Variants in SYNJ1 observed in about 807,000 individuals in gnomAD.
SYNJ1 encodes the protein synaptojanin 1.
A neutral mutation model predicts 168.2 loss-of-function variants in SYNJ1; 78 were observed. The ratio of observed to expected loss-of-function variants is 0.46; its 90% CI spans 0.39 to 0.56. The LOEUF is 0.56. SYNJ1 is among the 20% of genes least tolerant of loss of function. The pLI is 0.00. For missense variants in SYNJ1, 1,303 were observed against 1,597.6 expected (o/e 0.82, Z 3.14); for synonymous variants, 539 against 548.6 (o/e 0.98, Z 0.24).
At chr21:32,671,688 A>T (rs1006779937) in intron 14 of SYNJ1, among the ~76,000 whole-genome samples, 1 of 152,246 alleles carries the variant, frequency 6.6e-6, no homozygotes, top group Admixed American at 6.5e-5. Flanking sequence ...CATGTAAGGT[A>T]CATAGAATTA....
Position 32,631,455 on chromosome 21 carries a change from G to T in SYNJ1, c.*350C>A. Reference sequence around the variant, plus strand: ...CCATGAAGTTGCCTCTGATTCTTCAGACTTGGCTCTAAATGGGTTTCCAGG... The same window carrying T: ...CCATGAAGTTGCCTCTGATTCTTCATACTTGGCTCTAAATGGGTTTCCAGG... On this transcript the variant is annotated 3_prime_UTR_variant, in exon 33 of 33. Coordinates refer to ENST00000674351, the MANE Select transcript of SYNJ1 (RefSeq NM_203446.3). The T allele has an allele frequency of 1.9e-6, 3 of 1,614,158 alleles. No individual in the cohort carries two copies. The highest frequency in any genetic ancestry group is 2.2e-5 in the South Asian group (2 of 91,068).
At chr21:32,694,420 TCTAA>T (rs1569103900) in intron 5 of SYNJ1, 109 bp from the exon 6 acceptor site, 4 of 796,506 alleles carry the variant, frequency 5.0e-6, no homozygotes, top group East Asian at 6.7e-5. Flanking sequence ...CATTTTATGA[TCTAA>T]CTCTCATATA....
At chr21:32,667,771 T>C (rs558076528) in intron 15 of SYNJ1, among the ~76,000 whole-genome samples, 2 of 152,290 alleles carry the variant, frequency 1.3e-5, no homozygotes, top group Non-Finnish European at 2.9e-5. Flanking sequence ...AACACTTCCC[T>C]GTGTCCCTAT....
At chr21:32,643,744 A>C (rs902036885) in intron 26 of SYNJ1, among the ~76,000 whole-genome samples, 3 of 152,168 alleles carry the variant, frequency 2.0e-5, no homozygotes, top group Non-Finnish European at 2.9e-5. Flanking sequence ...TTTAATGAAG[A>C]CCTTTGCTTT....
At position 32,695,106 on chromosome 21, in the gene SYNJ1, C is replaced by T. The variant is rs398122403; in HGVS notation, c.656G>A (p.Arg219Gln). The T allele has an allele frequency of 1.1e-5, 17 of 1,614,092 alleles. No individual in the cohort carries two copies. Among genetic ancestry groups the T allele is most frequent in the Middle Eastern group, 1.6e-4 (1 of 6,062 alleles). ...CERAGTRFNVRGTNDDGHVAN... is the reference protein window; with the variant it reads ...CERAGTRFNVQGTNDDGHVAN... ...AACATGACCATCATCATTTGTTCCC[C>T]GGACATTAAACCTGGTCCCAGCTCG... Residue 219 changes from arginine to glutamine, a missense_variant, in exon 5 of 33, where the codon CGG (arginine) becomes CAG (glutamine). By Grantham distance (43) the Arg-to-Gln change is conservative. Around this residue, in one of 2 missense-constraint regions of SYNJ1, gnomAD observed 920 missense variants for 1,208.8 expected, o/e 0.76. Coordinates refer to ENST00000674351, the MANE Select transcript of SYNJ1 (RefSeq NM_203446.3).
Position 32,650,206 on chromosome 21 carries a change from A to G in SYNJ1, c.3015T>C (p.Val1005=), listed in dbSNP as rs2145809068. The G allele has an allele frequency of 6.2e-7, 1 of 1,606,916 alleles. No homozygotes were observed. Among genetic ancestry groups the G allele is most frequent in the Admixed American group, 1.7e-5 (1 of 57,916 alleles). ...SSTLLGEDAE[V]AADFDMEGDV... ...AACCTTCCATATCAAAATCTGCTGC[A>G]ACCTCTGCATCTTCACCAAGCAGGG... is the stretch of plus-strand genomic sequence containing the variant. The change falls in exon 23 of 33, where the codon GTT becomes GTC. Residue 1005 remains valine (V), a synonymous_variant. Transcript: ENST00000674351.
intron 13 of SYNJ1, among the ~76,000 whole-genome samples, chr21:32,675,275 T>C (rs2041359445): frequency 6.6e-6 from 1 of 152,172 alleles, no homozygotes; most frequent in Admixed American, 6.5e-5. Context: ...ACTGCCTCAC[T>C]GTATGAACTA....
intron 10 of SYNJ1, among the ~76,000 whole-genome samples, chr21:32,682,329 AT>A (rs1049073752): frequency 6.6e-6 from 1 of 152,208 alleles, no homozygotes; most frequent in African/African-American, 2.4e-5. Flanking sequence ...GACAGAGTCA[AT>A]GTTCGATCTT....
At position 32,702,010 on chromosome 21, in the gene SYNJ1, G is replaced by C. The variant is rs745320827; in HGVS notation, c.162C>G (p.Ser54=). The part of the protein sequence containing the change: ...AEKEAIKGTY[S]KVLDAYGLLG... The stretch of plus-strand genomic sequence containing the variant: ...AGAGTCCATATGCATCCAGTACTTT[G>C]GAGTATGTACCCTTGATTGCCTCTT... Residue 54 remains serine, a synonymous_variant, in exon 3 of 33, where the codon TCC becomes TCG. Coordinates refer to ENST00000674351, the MANE Select transcript of SYNJ1 (RefSeq NM_203446.3). The C allele has an allele frequency of 1.3e-6, 2 of 1,576,090 alleles. No homozygotes were observed. The highest frequency in any genetic ancestry group is 8.7e-7 in the Non-Finnish European group (1 of 1,155,106).
Position 32,656,842 on chromosome 21 carries a change from G to C in SYNJ1, c.2640C>G (p.Asn880Lys). 1 of 1,614,134 alleles carries C rather than the reference G, an allele frequency of 6.2e-7. No individual in the cohort carries two copies. The highest frequency in any genetic ancestry group is 8.5e-7 in the Non-Finnish European group (1 of 1,180,028). Residue 880 changes from asparagine (N) to lysine (K), a missense_variant, in exon 21 of 33, where the codon AAC becomes AAG. Physicochemically the swap from Asn to Lys is moderately conservative, Grantham distance 94. Around this residue, in one of 2 missense-constraint regions of SYNJ1, gnomAD observed 920 missense variants for 1,208.8 expected, o/e 0.76. Coordinates refer to ENST00000674351, the MANE Select transcript of SYNJ1 (RefSeq NM_203446.3). ...GAACTGCAATTACTTCTTTATAAAT[G>C]TTTTGCCTCTCTTCAGCTTCAACTT... is the stretch of plus-strand genomic sequence containing the variant. ...IFEVEAEERQ[N>K]IYKEVIAVQG...
chr21:32,709,821 A>T (rs1569124265), intron 2 of SYNJ1, among the ~76,000 whole-genome samples: 1 of 152,060 alleles, frequency 6.6e-6, no homozygotes, highest in Non-Finnish European at 1.5e-5. Flanking sequence ...TCCAGCCAAA[A>T]ACACTGCCTA....
At position 32,646,590 on chromosome 21, in the gene SYNJ1, T is replaced by G. The variant is rs1465815951; in HGVS notation, c.3050A>C (p.Asp1017Ala). The change falls in exon 24 of 33, where the codon GAC (aspartate) becomes GCC (alanine). Residue 1017 changes from aspartate to alanine, a missense_variant. Asp to Ala is a moderately radical substitution (Grantham distance 126, BLOSUM62 -2). Around this residue, in one of 2 missense-constraint regions of SYNJ1, gnomAD observed 383 missense variants for 388.8 expected, o/e 0.99. Transcript: ENST00000674351. ...AAGTTCCTCCACTTCAGCACTATAGTCATCAACATCACCTAAGGAAAAGCA... is the reference window on the plus strand; with the variant it reads ...AAGTTCCTCCACTTCAGCACTATAGGCATCAACATCACCTAAGGAAAAGCA... ...ADFDMEGDVD[D>A]YSAEVEELLP... 2 of 1,613,818 alleles carry G rather than the reference T, an allele frequency of 1.2e-6. No individual in the cohort carries two copies. Among genetic ancestry groups the G allele is most frequent in the Non-Finnish European group, 1.7e-6 (2 of 1,179,750 alleles).
In SYNJ1 at chr21:32,681,645, G is replaced by C. The variant is rs775848061; in HGVS notation, c.1204C>G (p.Leu402Val). ...SVQAFLGLEM[L>V]AKQLEALGLA... ...CCAAGAGCTTCCAACTGTTTAGCTAGCATCTTAAAAAGCAAACAAGAAATT... is the reference window on the plus strand; with the variant it reads ...CCAAGAGCTTCCAACTGTTTAGCTACCATCTTAAAAAGCAAACAAGAAATT... Residue 402 changes from leucine to valine, a missense_variant, in exon 11 of 33, where the codon CTA becomes GTA. Transcript: ENST00000674351. 1.2e-6 allele frequency: 2 copies of C among 1,605,988 alleles called. No individual in the cohort carries two copies. The highest frequency in any genetic ancestry group is 2.2e-5 in the East Asian group (1 of 44,770).
At position 32,666,421 on chromosome 21, in the gene SYNJ1, C is replaced by T. The variant is rs1569065309; in HGVS notation, c.1952+12G>A. 1 of 1,610,776 alleles carries T rather than the reference C, an allele frequency of 6.2e-7. No homozygotes were observed. Among genetic ancestry groups the T allele is most frequent in the South Asian group, 1.1e-5 (1 of 90,020 alleles). ...TAGGAAGTAGCCTTAGAGGAGTGTT[C>T]TGTTTACTGACCTGATAAAAGGAGC... On this transcript the variant is annotated intron_variant, in intron 16 of 32. Coordinates refer to ENST00000674351, the MANE Select transcript of SYNJ1 (RefSeq NM_203446.3).
intron 12 of SYNJ1, among the ~76,000 whole-genome samples, chr21:32,677,395 G>C (rs1443028854): frequency 2.0e-5 from 3 of 152,162 alleles, no homozygotes; most frequent in Non-Finnish European, 4.4e-5. Flanking sequence ...CGTTACAGCA[G>C]AACTGACTGT....
chr21:32,643,581 A>C (rs773810692), intron 26 of SYNJ1, 124 bp from the exon 27 acceptor site: 2 of 941,184 alleles, frequency 2.1e-6, no homozygotes, highest in Admixed American at 2.5e-5. Context: ...TATTGCTTTA[A>C]ATTTCTTCAA....
In SYNJ1 at chr21:32,640,323, A is replaced by G. The variant is rs558928387; in HGVS notation, c.3589-544T>C. ...TTTTTTTGGTTTTTTTTTGAGATGG[A>G]GTCTCACTCTGTGGCCAGACGGGAG... On this transcript the variant is annotated intron_variant, in intron 29 of 32. Coordinates refer to ENST00000674351, the MANE Select transcript of SYNJ1 (RefSeq NM_203446.3). 1.8e-4 allele frequency among the ~76,000 whole-genome samples: 28 copies of G among 151,482 alleles called. No homozygotes were observed. The East Asian group carries it at 2.5e-3, about 14-fold the overall frequency.
chr21:32,726,976 C>A, intron 1 of SYNJ1, 59 bp from the exon 2 acceptor site: 1 of 1,573,434 alleles, frequency 6.4e-7, no homozygotes, highest in African/African-American at 1.4e-5. Flanking sequence ...GCAGCAAGGA[C>A]TGCAAAGCAT....
chr21:32,649,263 A>C (rs1347410552), intron 23 of SYNJ1, among the ~76,000 whole-genome samples: 1 of 152,252 alleles, frequency 6.6e-6, no homozygotes, highest in Non-Finnish European at 1.5e-5. Flanking sequence ...GTACTACATA[A>C]ATATGTGTGG....
Sources: gnomAD v4.1 joint callset for allele counts (sites outside exome capture counted in the v4.1 genomes callset) on GRCh38, gnomAD v4.1.1 for gene constraint, gnomAD v4.1.1 regional missense constraint, MANE v1.5 for transcripts, NCBI Gene and HGNC (gene_info 2026-07-23, HGNC 2026-07-21) for gene names.